The following GRIP1 variants were observed in gnomAD, a reference collection of about 807,000 sequenced individuals.
GRIP1 encodes glutamate receptor-interacting protein 1.
GRIP1 carries 45 observed loss-of-function variants against 129.9 expected under a neutral mutation model. The observed-to-expected ratio is 0.35, with a 90% CI of 0.27 to 0.44. The LOEUF is 0.44. GRIP1 is among the 20% of genes least tolerant of loss of function. The pLI, the probability that GRIP1 is intolerant of heterozygous loss-of-function variation, is 1.00. For missense variants in GRIP1, 1,196 were observed against 1,396.8 expected, an observed-to-expected ratio of 0.86 and a Z score of 2.29; for synonymous variants, 530 against 520.8, an observed-to-expected ratio of 1.02 and a Z score of -0.24.
intron 1 of GRIP1, among the ~76,000 whole-genome samples, chr12:66,917,203 A>G (rs926933264): frequency 6.6e-6 from 1 of 152,216 alleles, no homozygotes; most frequent in Non-Finnish European, 1.5e-5. Flanking sequence ...TAACCTTTCT[A>G]TACTTTTATC....
chr12:66,886,065 C>T (rs1194321398), intron 1 of GRIP1, among the ~76,000 whole-genome samples: 3 of 152,274 alleles, frequency 2.0e-5, no homozygotes, highest in African/African-American at 7.2e-5. Flanking sequence ...GAGCTCGAGA[C>T]CAGCCTGGCC....
chr12:66,475,293 T>C (rs1276930439), intron 7 of GRIP1, among the ~76,000 whole-genome samples: 3 of 152,184 alleles, frequency 2.0e-5, no homozygotes, highest in Admixed American at 6.5e-5. Flanking sequence ...CCTAAATATA[T>C]ATGCACCCAA....
At chr12:66,704,380 TAAG>T (rs2035457904) in intron 1 of GRIP1, among the ~76,000 whole-genome samples, 1 of 151,830 alleles carries the variant, frequency 6.6e-6, no homozygotes, top group Non-Finnish European at 1.5e-5. Context: ...TTTATATAAA[TAAG>T]AAAAATGTTA....
intron 20 of GRIP1, among the ~76,000 whole-genome samples, chr12:66,378,653 G>GC (rs2055937121): frequency 6.6e-5 from 10 of 151,712 alleles, no homozygotes; most frequent in Non-Finnish European, 1.5e-4. Context: ...AGGCTGAGAC[G>GC]AGAATCACTC....
intron 23 of GRIP1, among the ~76,000 whole-genome samples, chr12:66,364,277 A>G (rs1301370841): frequency 1.4e-5 from 2 of 147,586 alleles, no homozygotes; most frequent in Non-Finnish European, 3.0e-5. Flanking sequence ...AAAAAAAAAA[A>G]AAAAAAAAAA....
chr12:66,387,467 G>A (rs2137462220), intron 19 of GRIP1, among the ~76,000 whole-genome samples: 1 of 152,288 alleles, frequency 6.6e-6, no homozygotes, highest in East Asian at 1.9e-4. Flanking sequence ...AGTTCAGGAA[G>A]AACTCATCTC....
At chr12:66,458,291 C>T (rs1210773128) in intron 9 of GRIP1, among the ~76,000 whole-genome samples, 1 of 152,174 alleles carries the variant, frequency 6.6e-6, no homozygotes, top group African/African-American at 2.4e-5. Context: ...ACATGGCTTC[C>T]CAACTCATCT....
chr12:66,977,377 C>T (rs897138857), intron 1 of GRIP1, among the ~76,000 whole-genome samples: 1 of 151,946 alleles, frequency 6.6e-6, no homozygotes, highest in African/African-American at 2.4e-5. Flanking sequence ...CTAAAGAATG[C>T]ACATTAAGTT....
upstream of GRIP1, chr12:67,069,211 G>C: frequency 3.0e-6 from 2 of 661,710 alleles, no homozygotes; most frequent in Non-Finnish European, 3.7e-6. Flanking sequence ...CAGCCGCGCC[G>C]GGGCTGTTCA....
At chr12:66,618,409 A>C (rs1178143519) in intron 1 of GRIP1, among the ~76,000 whole-genome samples, 1 of 152,136 alleles carries the variant, frequency 6.6e-6, no homozygotes, top group African/African-American at 2.4e-5. Flanking sequence ...TACGAAGTAG[A>C]AACTGGCTGG....
chr12:66,915,045 T>C (rs1408473585), intron 1 of GRIP1, among the ~76,000 whole-genome samples: 1 of 152,238 alleles, frequency 6.6e-6, no homozygotes, highest in Admixed American at 6.5e-5. Flanking sequence ...CCCAGTTTTG[T>C]GTCTCCCAAT....
At chr12:66,401,735 C>G (rs1204595020) in intron 16 of GRIP1, among the ~76,000 whole-genome samples, 1 of 151,728 alleles carries the variant, frequency 6.6e-6, no homozygotes, top group African/African-American at 2.4e-5. Context: ...GAAACTGATG[C>G]TCAGAGAAGT....
intron 7 of GRIP1, among the ~76,000 whole-genome samples, chr12:66,465,885 AAAGGAAGG>A (rs1362132580): frequency 2.0e-5 from 3 of 152,142 alleles, no homozygotes; most frequent in Non-Finnish European, 4.4e-5. Context: ...AAGAAGAAAG[AAAGGAAGG>A]GAGGAAGGGA....
intron 11 of GRIP1, among the ~76,000 whole-genome samples, chr12:66,446,651 T>G (rs1320656751): frequency 3.3e-5 from 5 of 152,186 alleles, no homozygotes; most frequent in Admixed American, 3.3e-4. Context: ...TCTTCATGAC[T>G]TCAGGACTTG....
intron 1 of GRIP1, among the ~76,000 whole-genome samples, chr12:66,990,988 AAAAG>A (rs1214739816): frequency 6.6e-6 from 1 of 151,522 alleles, no homozygotes; most frequent in African/African-American, 2.4e-5. Flanking sequence ...AAAAAAAAAA[AAAAG>A]AAAGAAAAAA....
At chr12:66,538,983 G>A in intron 4 of GRIP1, 95 bp downstream of exon 4, 1 of 1,033,934 alleles carries the variant, frequency 9.7e-7, no homozygotes. Context: ...AAAAAAACCT[G>A]ATATATATAG....
At chr12:66,664,429 G>A (rs951326056) in intron 1 of GRIP1, among the ~76,000 whole-genome samples, 2 of 152,092 alleles carry the variant, frequency 1.3e-5, no homozygotes, top group Non-Finnish European at 2.9e-5. Context: ...ATTCCTTCTA[G>A]AATTTGTTGC....
intron 1 of GRIP1, among the ~76,000 whole-genome samples, chr12:66,740,223 T>G (rs1182378317): frequency 6.6e-6 from 1 of 152,172 alleles, no homozygotes; most frequent in Non-Finnish European, 1.5e-5. Context: ...CACCGATTTT[T>G]CATTCTGTCT....
At chr12:66,356,181 G>T (rs943373673) in intron 23 of GRIP1, among the ~76,000 whole-genome samples, 2 of 152,212 alleles carry the variant, frequency 1.3e-5, no homozygotes, top group Non-Finnish European at 2.9e-5. Context: ...TAGACTTCTT[G>T]CTAGTAAGGC....
Sources: gnomAD v4.1 joint callset for allele counts (sites outside exome capture counted in the v4.1 genomes callset) on GRCh38, gnomAD v4.1.1 for gene constraint, MANE v1.5 for transcripts, NCBI Gene and HGNC (gene_info 2026-07-23, HGNC 2026-07-21) for gene names.